ANK2: variants seen among roughly 807,000 people sequenced by gnomAD.
The protein encoded by ANK2 is ankyrin-2.
In ANK2, 83 loss-of-function variants were observed where a neutral mutation model predicts 360.5. That is an observed-to-expected ratio of 0.23 (90% CI 0.19 to 0.28). The LOEUF (loss-of-function observed/expected upper bound fraction) is 0.28. Ranked by LOEUF, ANK2 falls within the 10% of genes least tolerant of loss-of-function variation. ANK2 has a pLI of 1.00. For synonymous variants in ANK2, 1,740 were observed against 1,759.5 expected, an observed-to-expected ratio of 0.99 and a Z score of 0.28; for missense variants, 4,201 against 4,795.7, an observed-to-expected ratio of 0.88 and a Z score of 3.66.
the ANK2 span, among the ~76,000 whole-genome samples, chr4:112,746,172 A>G: frequency 5.3e-5 from 8 of 152,202 alleles, no homozygotes; most frequent in Admixed American, 1.3e-4. Context: ...AAGTATGGCC[A>G]GCTTTTATTG....
chr4:113,220,608 T>G (rs362470), intron 4 of ANK2, among the ~76,000 whole-genome samples: 4,243 of 152,320 alleles, frequency 0.028, 94 homozygotes, highest in East Asian at 0.067. Flanking sequence ...AACAGAATTA[T>G]TCCATCATAG....
In ANK2 at chr4:112,911,682, T is replaced by C. The variant is rs1467542413; in HGVS notation, c.21+7168T>C. Among the ~76,000 whole-genome samples, 4 of 152,178 alleles carry C rather than the reference T, an allele frequency of 2.6e-5. No homozygotes were observed. The South Asian group carries it at 6.2e-4, about 24-fold the overall frequency. On this transcript the variant is annotated intron_variant, in intron 2 of 30. Coordinates refer to the ANK2 transcript ENST00000503271. ...TATGTTTTTCCTTATTATGTTGTCA[T>C]TGACACTAGAGAGAAGCTAAAGTTG...
chr4:113,193,627 T>G (rs1304032312), intron 2 of ANK2, among the ~76,000 whole-genome samples: 1 of 152,202 alleles, frequency 6.6e-6, no homozygotes. Flanking sequence ...TGCAGTAATA[T>G]TTCACATCTA....
chr4:113,295,163 C>A (rs2153750660), intron 22 of ANK2, among the ~76,000 whole-genome samples: 2 of 152,162 alleles, frequency 1.3e-5, no homozygotes, highest in South Asian at 4.1e-4. Flanking sequence ...TGATTTATTC[C>A]TTCATTATTT....
Position 112,967,614 on chromosome 4 carries a change from T to C in ANK2, c.21+63100T>C, listed in dbSNP as rs2037814927. The stretch of plus-strand genomic sequence containing the variant: ...TGTGAAAACAAAGTTATCAGAGGTG[T>C]AGCAAAAATTTGTAGTAAGTCAAAA... On this transcript the variant is annotated intron_variant, in intron 2 of 30. Coordinates refer to the ANK2 transcript ENST00000503271. Among the ~76,000 whole-genome samples the C allele has an allele frequency of 2.0e-5, 3 of 152,248 alleles. No individual in the cohort carries two copies. The South Asian group carries it at 6.2e-4, about 32-fold the overall frequency.
At chr4:113,072,931 G>C (rs529623309) in intron 1 of ANK2, among the ~76,000 whole-genome samples, 2 of 140,262 alleles carry the variant, frequency 1.4e-5, no homozygotes, top group African/African-American at 5.4e-5. Context: ...TTTTCTTCTC[G>C]ACTCTGTCAC....
intron 1 of ANK2, among the ~76,000 whole-genome samples, chr4:113,077,745 C>G (rs1163758213): frequency 2.6e-5 from 4 of 152,224 alleles, no homozygotes; most frequent in East Asian, 1.9e-4. Context: ...CTGTGCAAAT[C>G]TTGTTCACTT....
chr4:113,070,352 T>A (rs1370158557), intron 1 of ANK2, among the ~76,000 whole-genome samples: 1 of 152,072 alleles, frequency 6.6e-6, no homozygotes, highest in Admixed American at 6.6e-5. Context: ...TAAAAAAAAG[T>A]CTGCATCATG....
At chr4:113,147,906 C>T (rs559596065) in intron 1 of ANK2, among the ~76,000 whole-genome samples, 4 of 152,140 alleles carry the variant, frequency 2.6e-5, no homozygotes, top group Non-Finnish European at 5.9e-5. Context: ...TTTATTTAGT[C>T]CTGGTAATGC....
intron 3 of ANK2, among the ~76,000 whole-genome samples, chr4:113,198,545 G>C (rs1009087349): frequency 2.0e-5 from 3 of 152,060 alleles, no homozygotes; most frequent in Non-Finnish European, 4.4e-5. Flanking sequence ...ATATTCTCAA[G>C]TGCCCCAGTA....
At chr4:113,157,908 A>T (rs2097362798) in intron 1 of ANK2, among the ~76,000 whole-genome samples, 1 of 152,210 alleles carries the variant, frequency 6.6e-6, no homozygotes, top group African/African-American at 2.4e-5. Flanking sequence ...GCTTAAGAAG[A>T]TTAAATAAGA....
In ANK2 at chr4:112,826,978, C is replaced by G. The variant is rs536463094; in HGVS notation, c.-40+8714C>G. On this transcript the variant is annotated intron_variant, in intron 1 of 30. Coordinates refer to the ANK2 transcript ENST00000503271. ...CTCATTCAGTCATGTAAAGATGAAC[C>G]ATTTCTTTTTATTGGAGTTCTACAA... is the stretch of plus-strand genomic sequence containing the variant. 4.6e-6 allele frequency: 7 copies of G among 1,532,256 alleles called. No homozygotes were observed. The East Asian group carries it at 6.7e-5, about 15-fold the overall frequency. 94.9% of individuals were successfully genotyped at this position (1,532,256 alleles called of 1,614,324 possible). A position where few individuals can be genotyped will look rare whatever the true frequency, so the allele number is the denominator to read the frequency against.
upstream of ANK2, among the ~76,000 whole-genome samples, chr4:112,814,842 C>T (rs1038189042): frequency 3.9e-5 from 6 of 152,012 alleles, no homozygotes; most frequent in East Asian, 3.8e-4. Context: ...AACAATTTGT[C>T]AGTGAGGCCA....
the ANK2 span, among the ~76,000 whole-genome samples, chr4:112,710,711 A>G: frequency 6.6e-6 from 1 of 151,454 alleles, no homozygotes. Flanking sequence ...AAAAAAAAAA[A>G]TGCTTGAATT....
At chr4:113,323,200 A>C (rs2153878718) in intron 26 of ANK2, among the ~76,000 whole-genome samples, 1 of 152,198 alleles carries the variant, frequency 6.6e-6, no homozygotes, top group East Asian at 1.9e-4. Context: ...GTATTGACAA[A>C]AGCACCAAGA....
rs956518539 is a variant in ANK2 at position 113,120,523 on chromosome 4, T to G, written c.85-53893T>G. Among the ~76,000 whole-genome samples, 29 of 152,314 alleles carry G rather than the reference T, an allele frequency of 1.9e-4. 1 individual carries two copies. Among genetic ancestry groups the G allele is most frequent in the Admixed American group, 1.7e-3 (26 of 15,288 alleles). ...TTCCCAACTGTACGTTTTTTAAAAT[T>G]TGAAAAATACATAATTTTTAGAGAA... On this transcript the variant is annotated intron_variant, in intron 1 of 45. Transcript: ENST00000357077.
rs7439845 is a variant in ANK2, at chr4:113,315,839, C to G, written c.2694-1868C>G. ...GTGAACCTGGGAGGCGGAGCTTGCACTGAGCCACGATCGCGCCACTGCACT... is the reference window on the plus strand; with the variant it reads ...GTGAACCTGGGAGGCGGAGCTTGCAGTGAGCCACGATCGCGCCACTGCACT... On this transcript the variant is annotated intron_variant, in intron 24 of 45. Coordinates refer to ENST00000357077, the MANE Select transcript of ANK2 (RefSeq NM_001148.6). Among the ~76,000 whole-genome samples the G allele has an allele frequency of 4.7e-3, 683 of 145,970 alleles. 10 individuals are homozygous for G. Among genetic ancestry groups the G allele is most frequent in the Admixed American group, 0.027 (377 of 14,048 alleles).
At chr4:112,781,934 G>A in the ANK2 span, among the ~76,000 whole-genome samples, 1 of 149,804 alleles carries the variant, frequency 6.7e-6, no homozygotes, top group Non-Finnish European at 1.5e-5. Context: ...GGTTCAAGTG[G>A]TTCTCCTGCC....
chr4:112,846,722 T>C (rs1278546130), intron 1 of ANK2, among the ~76,000 whole-genome samples: 1 of 152,174 alleles, frequency 6.6e-6, no homozygotes, highest in South Asian at 2.1e-4. Context: ...TCATTCATCC[T>C]CATGTTTCAA....
Sources: allele counts gnomAD v4.1 joint callset (sites outside exome capture counted in the v4.1 genomes callset), GRCh38; gene constraint gnomAD v4.1.1; transcripts MANE v1.5; gene names NCBI Gene and HGNC (gene_info 2026-07-23, HGNC 2026-07-21).